Variants in ZNF532 observed in about 807,000 individuals in gnomAD.
ZNF532 encodes the protein zinc finger protein 532.
In ZNF532, 22 loss-of-function variants were observed where a neutral mutation model predicts 89.3. The observed-to-expected ratio is 0.25, with a 90% CI of 0.18 to 0.35. The LOEUF is 0.35. Ranked by LOEUF, ZNF532 falls within the 10% of genes least tolerant of loss-of-function variation. The pLI, the probability that ZNF532 is intolerant of heterozygous loss-of-function variation, is 1.00. For missense variants in ZNF532, 1,132 were observed against 1,643.4 expected (o/e 0.69, Z 5.38); for synonymous variants, 606 against 649.6 (o/e 0.93, Z 1.02).
In ZNF532 at chr18:58,923,516, A is replaced by G. The variant is rs557242022; in HGVS notation, c.2346+2883A>G. On this transcript the variant is annotated intron_variant, in intron 3 of 9. Coordinates refer to ENST00000591808, the MANE Select transcript of ZNF532 (RefSeq NM_001375912.1). ...CAGTAGGATGCCTGTGGCTGTTGCC[A>G]TCCTAGCCTCCACATGTGGCCATGG... is the stretch of plus-strand genomic sequence containing the variant. Among the ~76,000 whole-genome samples the G allele has an allele frequency of 2.6e-5, 4 of 152,090 alleles. No individual in the cohort carries two copies. The East Asian group carries it at 7.7e-4, about 29-fold the overall frequency.
chr18:58,918,919 A>C lies in ZNF532; in HGVS notation c.632A>C (p.Asn211Thr). ...AGAGAAACAGAAGCCAGTTCTATAAACCTGAGTGTTTATGAACCTTTTAAA... is the reference window on the plus strand; with the variant it reads ...AGAGAAACAGAAGCCAGTTCTATAACCCTGAGTGTTTATGAACCTTTTAAA... ...VKRETEASSI[N>T]LSVYEPFKVR... The change falls in exon 3 of 10, where the codon AAC (asparagine) becomes ACC (threonine). Residue 211 changes from asparagine (N) to threonine (T), a missense_variant. Coordinates refer to ENST00000591808, the MANE Select transcript of ZNF532 (RefSeq NM_001375912.1). 1 of 1,613,942 alleles carries C rather than the reference A, an allele frequency of 6.2e-7. No homozygotes were observed. Among genetic ancestry groups the C allele is most frequent in the Non-Finnish European group, 8.5e-7 (1 of 1,180,038 alleles).
At chr18:58,949,346 CAAG>C (rs1398615673) in intron 6 of ZNF532, among the ~76,000 whole-genome samples, 1 of 152,064 alleles carries the variant, frequency 6.6e-6, no homozygotes, top group Non-Finnish European at 1.5e-5. Flanking sequence ...AACAGAGAAA[CAAG>C]AGACCCCATA....
chr18:58,884,401 A>G lies in ZNF532; in HGVS notation c.-18+18822A>G, dbSNP rs551027768. Among the ~76,000 whole-genome samples, 4 of 152,346 alleles carry G rather than the reference A, an allele frequency of 2.6e-5. No homozygotes were observed. In the South Asian group the frequency reaches 6.2e-4, roughly 24 times the overall value. On this transcript the variant is annotated intron_variant, in intron 2 of 9. Coordinates refer to ENST00000591808, the MANE Select transcript of ZNF532 (RefSeq NM_001375912.1). ...GTCTCAAAATTTTTTTTAATTGACA[A>G]AGTAAATGAGAAGAAGCAGCGACTA...
intron 7 of ZNF532, among the ~76,000 whole-genome samples, chr18:58,957,407 AT>A (rs1732949795): frequency 4.5e-4 from 1 of 2,198 alleles, no homozygotes; most frequent in African/African-American, 3.1e-3. Context: ...CTTAAAATAC[AT>A]ATATATATAT....
Position 58,896,200 on chromosome 18 carries a change from T to C in ZNF532, c.-17-22071T>C, listed in dbSNP as rs75856594. On this transcript the variant is annotated intron_variant, in intron 2 of 9. Coordinates refer to ENST00000591808, the MANE Select transcript of ZNF532 (RefSeq NM_001375912.1). Reference sequence around the variant, plus strand: ...CTTCCCTGTTAAATCTAGCAGTGTTTGTTTTTTGTTGTTGTTGTTTGTTTT... The same window carrying C: ...CTTCCCTGTTAAATCTAGCAGTGTTCGTTTTTTGTTGTTGTTGTTTGTTTT... Among the ~76,000 whole-genome samples the C allele has an allele frequency of 4.5e-3, 682 of 152,288 alleles. 35 individuals carry two copies. In the East Asian group the frequency reaches 0.088, roughly 20 times the overall value.
chr18:58,868,088 C>T (rs1313493279), intron 2 of ZNF532, among the ~76,000 whole-genome samples: 1 of 152,186 alleles, frequency 6.6e-6, no homozygotes, highest in Non-Finnish European at 1.5e-5. Context: ...CAGTCGCTCT[C>T]CAGTTGGCTT....
At chr18:58,869,271 C>T (rs938060998) in intron 2 of ZNF532, among the ~76,000 whole-genome samples, 4 of 152,146 alleles carry the variant, frequency 2.6e-5, no homozygotes, top group Non-Finnish European at 4.4e-5. Context: ...AGTTAAGACT[C>T]GCCGAGAAAG....
In ZNF532 at chr18:58,984,026, C is replaced by T. The variant is rs1236402377; in HGVS notation, c.3466C>T (p.Arg1156Ter). 1.2e-6 allele frequency: 2 copies of T among 1,611,764 alleles called. No individual in the cohort carries two copies. Among genetic ancestry groups the T allele is most frequent in the Non-Finnish European group, 8.5e-7 (1 of 1,179,802 alleles). ...EEPVLEFRPP[R>*]GAITQPLKKL... ...ACCAGTTCTGGAGTTCAGGCCTCCCCGAGGAGCAATCACTCAACCACTGAA... is the reference window on the plus strand; with the variant it reads ...ACCAGTTCTGGAGTTCAGGCCTCCCTGAGGAGCAATCACTCAACCACTGAA... Residue 1156 changes from arginine to a stop codon, truncating the protein, a stop_gained, in exon 10 of 10, where the codon CGA (arginine) becomes TGA (stop). Coordinates refer to ENST00000591808, the MANE Select transcript of ZNF532 (RefSeq NM_001375912.1). LOFTEE classifies it high-confidence loss of function.
upstream of ZNF532, chr18:58,864,214 C>T: frequency 6.6e-6 from 1 of 150,880 alleles, no homozygotes; most frequent in East Asian, 1.9e-4. Context: ...CTTCTCCCCC[C>T]AGGTGCTTGA....
In ZNF532 at chr18:58,951,645, T is replaced by TGTGTTTTTTTTTG. The variant is rs2064171143; in HGVS notation, c.2869-1871_2869-1870insGTTTTTTTTTGGT. Among the ~76,000 whole-genome samples the TGTGTTTTTTTTTG allele has an allele frequency of 3.4e-5, 3 of 89,022 alleles. 1 individual carries two copies. The highest frequency in any genetic ancestry group is 9.5e-5 in the African/African-American group (2 of 21,020). 58.4% of individuals were successfully genotyped at this position (89,022 alleles called of 152,430 possible). ...ACAATCACCTCAGCCCTCGCCCTGT[T>TGTGTTTTTTTTTG]GTTTTTTTTTTTTTTTTTTTTTGAG... On this transcript the variant is annotated intron_variant, in intron 6 of 9. Coordinates refer to ENST00000591808, the MANE Select transcript of ZNF532 (RefSeq NM_001375912.1).
chr18:58,957,599 CA>C (rs2147123893), intron 7 of ZNF532, among the ~76,000 whole-genome samples: 1 of 151,958 alleles, frequency 6.6e-6, no homozygotes, highest in South Asian at 2.1e-4. Context: ...AAATTTATGT[CA>C]AAACATTAGA....
At chr18:58,913,304 A>T (rs1175244950) in intron 2 of ZNF532, among the ~76,000 whole-genome samples, 1 of 152,238 alleles carries the variant, frequency 6.6e-6, no homozygotes, top group Non-Finnish European at 1.5e-5. Context: ...TTGAAGATGT[A>T]TAAAAACTGG....
chr18:58,938,819 C>T (rs2062696523), intron 4 of ZNF532, among the ~76,000 whole-genome samples: 1 of 152,176 alleles, frequency 6.6e-6, no homozygotes. Flanking sequence ...GCCCTGGTGC[C>T]AGAATCCAGC....
intron 5 of ZNF532, among the ~76,000 whole-genome samples, chr18:58,941,359 A>G (rs1445053213): frequency 6.6e-5 from 10 of 152,070 alleles, no homozygotes. Context: ...AGTAGTTGTT[A>G]CCTCAGAATG....
At chr18:58,888,894 TATA>T (rs2058679638) in intron 2 of ZNF532, among the ~76,000 whole-genome samples, 2 of 55,828 alleles carry the variant, frequency 3.6e-5, no homozygotes, top group East Asian at 6.9e-4. Context: ...ATATATTTTA[TATA>T]TATATATATA....
At chr18:58,877,743 T>C (rs1201488920) in intron 2 of ZNF532, among the ~76,000 whole-genome samples, 1 of 152,132 alleles carries the variant, frequency 6.6e-6, no homozygotes, top group Non-Finnish European at 1.5e-5. Context: ...GTGGCCCTTA[T>C]GGAATCACAG....
At chr18:58,945,992 A>G (rs1603266471) in intron 5 of ZNF532, among the ~76,000 whole-genome samples, 1 of 152,184 alleles carries the variant, frequency 6.6e-6, no homozygotes, top group African/African-American at 2.4e-5. Context: ...GCCTCCCAAA[A>G]TTCTGGGATT....
At chr18:58,914,328 C>T (rs1482641023) in intron 2 of ZNF532, among the ~76,000 whole-genome samples, 4 of 152,224 alleles carry the variant, frequency 2.6e-5, no homozygotes, top group African/African-American at 7.2e-5. Context: ...GAACATTATA[C>T]ATTAAGCACA....
At chr18:58,943,662 C>A (rs1276108949) in intron 5 of ZNF532, among the ~76,000 whole-genome samples, 1 of 152,104 alleles carries the variant, frequency 6.6e-6, no homozygotes, top group Non-Finnish European at 1.5e-5. Flanking sequence ...GAGGTTTCTC[C>A]ATGTTGGCCA....
Sources: gnomAD v4.1 joint callset for allele counts (sites outside exome capture counted in the v4.1 genomes callset) on GRCh38, gnomAD v4.1.1 for gene constraint, MANE v1.5 for transcripts, NCBI Gene and HGNC (gene_info 2026-07-23, HGNC 2026-07-21) for gene names.